H2BC9: variants seen among roughly 807,000 people sequenced by gnomAD.
H2BC9 encodes histone H2B type 1-H.
H2BC9 carries 11 observed loss-of-function variants against 5.8 expected under a neutral mutation model. That is an observed-to-expected ratio of 1.89 (90% CI 1.19 to 3.12). The LOEUF (loss-of-function observed/expected upper bound fraction) is 3.12. Among genes scored for constraint, H2BC9 ranks in the 30% most tolerant of loss-of-function variants. The pLI, the probability that H2BC9 is intolerant of heterozygous loss-of-function variation, is 0.00. For missense variants in H2BC9, 219 were observed against 167.8 expected (o/e 1.30, Z -1.68); for synonymous variants, 136 against 72.2 (o/e 1.88, Z -4.48).
rs1489552386 is a variant in H2BC9, at chr6:26,251,682, C to G, written c.32C>G (p.Pro11Arg). Reference sequence around the variant, plus strand: ...GATCCAGCTAAGTCCGCTCCCGCCCCGAAGAAGGGCTCCAAGAAGGCGGTG... The same window carrying G: ...GATCCAGCTAAGTCCGCTCCCGCCCGGAAGAAGGGCTCCAAGAAGGCGGTG... MPDPAKSAPAPKKGSKKAVTK... is the reference protein window; with the variant it reads MPDPAKSAPARKKGSKKAVTK... Residue 11 changes from proline to arginine, a missense_variant, in exon 1 of 1, where the codon CCG becomes CGG. By Grantham distance (103) the Pro-to-Arg change is moderately radical. Transcript: ENST00000619466. 2 of 1,614,108 alleles carry G rather than the reference C, an allele frequency of 1.2e-6. No homozygotes were observed. Among genetic ancestry groups the G allele is most frequent in the African/African-American group, 1.3e-5 (1 of 75,010 alleles).
chr6:26,251,860 C>T lies in H2BC9; in HGVS notation c.210C>T (p.Ile70=), dbSNP rs1477170099. The T allele has an allele frequency of 3.7e-6, 6 of 1,614,100 alleles. No homozygotes were observed. Among genetic ancestry groups the T allele is most frequent in the Non-Finnish European group, 5.1e-6 (6 of 1,180,036 alleles). The change falls in exon 1 of 1, where the codon ATC becomes ATT. Residue 70 remains isoleucine (I), a synonymous_variant. Transcript: ENST00000619466. ...TCATGAATTCCTTTGTCAACGATAT[C>T]TTCGAGCGCATCGCCGGCGAGGCTT... ...MGIMNSFVND[I]FERIAGEASR... is the part of the protein sequence containing the mutation.
rs747072853 is a variant in H2BC9, at chr6:26,251,656, T to G, written c.6T>G (p.Pro2=). Residue 2 remains proline, a synonymous_variant, in exon 1 of 1, where the codon CCT becomes CCG. Transcript: ENST00000619466. Reference sequence around the variant, plus strand: ...TACTCCTTTATCTTGTTGCAATGCCTGATCCAGCTAAGTCCGCTCCCGCCC... The same window carrying G: ...TACTCCTTTATCTTGTTGCAATGCCGGATCCAGCTAAGTCCGCTCCCGCCC... M[P]DPAKSAPAPK... The G allele has an allele frequency of 3.1e-6, 5 of 1,614,072 alleles. No individual in the cohort carries two copies. In the Admixed American group the frequency reaches 8.3e-5, roughly 27 times the overall value.
In H2BC9 at chr6:26,252,031, A is replaced by C; in HGVS notation, c.381A>C (p.Ter127TyrextTer?). The part of the protein sequence containing the change: ...KAVTKYTSSK[*>Y] ...TCACCAAGTACACCAGCTCCAAATA[A>C]ATGGACGCATGTTCAAACCCAAAGG... Residue 127 changes from the stop codon to tyrosine, a stop_lost, in exon 1 of 1, where the codon TAA becomes TAC. Coordinates refer to ENST00000619466, the MANE Select transcript of H2BC9 (RefSeq NM_003524.3). 7 of 1,614,118 alleles carry C rather than the reference A, an allele frequency of 4.3e-6. No individual in the cohort carries two copies. Among genetic ancestry groups the C allele is most frequent in the Non-Finnish European group, 5.9e-6 (7 of 1,180,008 alleles).
rs779240399 is a variant in H2BC9 at position 26,251,886 on chromosome 6, C to T, written c.236C>T (p.Ser79Phe). Reference sequence around the variant, plus strand: ...TTCGAGCGCATCGCCGGCGAGGCTTCCCGCCTGGCTCATTACAACAAGCGT... The same window carrying T: ...TTCGAGCGCATCGCCGGCGAGGCTTTCCGCCTGGCTCATTACAACAAGCGT... ...DIFERIAGEA[S>F]RLAHYNKRST... Residue 79 changes from serine (S) to phenylalanine (F), a missense_variant, in exon 1 of 1, where the codon TCC (serine) becomes TTC (phenylalanine). Physicochemically the swap from Ser to Phe is radical, Grantham distance 155 (BLOSUM62 -2). Coordinates refer to ENST00000619466, the MANE Select transcript of H2BC9 (RefSeq NM_003524.3). 6.2e-7 allele frequency: 1 copy of T among 1,614,224 alleles called. No homozygotes were observed. The highest frequency in any genetic ancestry group is 1.7e-5 in the Admixed American group (1 of 60,030).
Position 26,251,843 on chromosome 6 carries a change from T to A in H2BC9, c.193T>A (p.Ser65Thr), listed in dbSNP as rs1760085558. ...ISSKAMGIMN[S>T]FVNDIFERIA... is the part of the protein sequence containing the mutation. ...CTCCAAAGCCATGGGGATCATGAAT[T>A]CCTTTGTCAACGATATCTTCGAGCG... The change falls in exon 1 of 1, where the codon TCC (serine) becomes ACC (threonine). Residue 65 changes from serine (S) to threonine (T), a missense_variant. Coordinates refer to ENST00000619466, the MANE Select transcript of H2BC9 (RefSeq NM_003524.3). 6.2e-7 allele frequency: 1 copy of A among 1,614,068 alleles called. No individual in the cohort carries two copies. The highest frequency in any genetic ancestry group is 1.3e-5 in the African/African-American group (1 of 74,926).
rs774744279 is a variant in H2BC9 at position 26,251,915 on chromosome 6, ACCATCACCT to A, written c.269_277del (p.Ile90_Ser92del). ...CCTGGCTCATTACAACAAGCGTTCG[ACCATCACCT>A]CCAGGGAGATCCAGACAGCCGTGCG... On this transcript the variant is annotated inframe_deletion, in exon 1 of 1. Transcript: ENST00000619466. 2 of 1,614,158 alleles carry A rather than the reference ACCATCACCT, an allele frequency of 1.2e-6. No homozygotes were observed. The highest frequency in any genetic ancestry group is 1.7e-6 in the Non-Finnish European group (2 of 1,180,022).
Position 26,251,834 on chromosome 6 carries a change from A to T in H2BC9, c.184A>T (p.Ile62Phe). 6.2e-7 allele frequency: 1 copy of T among 1,614,196 alleles called. No homozygotes were observed. The highest frequency in any genetic ancestry group is 8.5e-7 in the Non-Finnish European group (1 of 1,180,030). The change falls in exon 1 of 1, where the codon ATC becomes TTC. Residue 62 changes from isoleucine (I) to phenylalanine (F), a missense_variant. Transcript: ENST00000619466. ...DTGISSKAMG[I>F]MNSFVNDIFE... ...CGGCATCTCCTCCAAAGCCATGGGG[A>T]TCATGAATTCCTTTGTCAACGATAT...
In H2BC9 at chr6:26,252,018, C is replaced by T. The variant is rs1479496733; in HGVS notation, c.368C>T (p.Thr123Ile). 1 of 1,614,206 alleles carries T rather than the reference C, an allele frequency of 6.2e-7. No homozygotes were observed. Among genetic ancestry groups the T allele is most frequent in the South Asian group, 1.1e-5 (1 of 91,086 alleles). Residue 123 changes from threonine to isoleucine, a missense_variant, in exon 1 of 1, where the codon ACC becomes ATC. By Grantham distance (89) the Thr-to-Ile change is moderately conservative. Coordinates refer to ENST00000619466, the MANE Select transcript of H2BC9 (RefSeq NM_003524.3). ...SEGTKAVTKYTSSK is the reference protein window; with the variant it reads ...SEGTKAVTKYISSK ...GGCACTAAGGCCGTCACCAAGTACA[C>T]CAGCTCCAAATAAATGGACGCATGT...
In H2BC9 at chr6:26,251,844, C is replaced by T; in HGVS notation, c.194C>T (p.Ser65Phe). 2 of 1,614,238 alleles carry T rather than the reference C, an allele frequency of 1.2e-6. No individual in the cohort carries two copies. The highest frequency in any genetic ancestry group is 1.7e-6 in the Non-Finnish European group (2 of 1,180,048). ...ISSKAMGIMN[S>F]FVNDIFERIA... ...TCCAAAGCCATGGGGATCATGAATTCCTTTGTCAACGATATCTTCGAGCGC... is the reference window on the plus strand; with the variant it reads ...TCCAAAGCCATGGGGATCATGAATTTCTTTGTCAACGATATCTTCGAGCGC... The change falls in exon 1 of 1, where the codon TCC becomes TTC. Residue 65 changes from serine to phenylalanine, a missense_variant. Coordinates refer to ENST00000619466, the MANE Select transcript of H2BC9 (RefSeq NM_003524.3).
rs146273799 is a variant in H2BC9 at position 26,251,675 on chromosome 6, C to G, written c.25C>G (p.Pro9Ala). 4.3e-6 allele frequency: 7 copies of G among 1,614,016 alleles called. No individual in the cohort carries two copies. Among genetic ancestry groups the G allele is most frequent in the South Asian group, 1.1e-5 (1 of 91,088 alleles). ...AATGCCTGATCCAGCTAAGTCCGCTCCCGCCCCGAAGAAGGGCTCCAAGAA... is the reference window on the plus strand; with the variant it reads ...AATGCCTGATCCAGCTAAGTCCGCTGCCGCCCCGAAGAAGGGCTCCAAGAA... MPDPAKSAPAPKKGSKKAV... is the reference protein window; with the variant it reads MPDPAKSAAAPKKGSKKAV... Residue 9 changes from proline to alanine, a missense_variant, in exon 1 of 1, where the codon CCC becomes GCC. Pro to Ala is a conservative substitution (Grantham distance 27). Transcript: ENST00000619466.
Position 26,251,947 on chromosome 6 carries a change from G to A in H2BC9, c.297G>A (p.Val99=), listed in dbSNP as rs1176397893. 3 of 1,614,244 alleles carry A rather than the reference G, an allele frequency of 1.9e-6. No homozygotes were observed. The highest frequency in any genetic ancestry group is 1.3e-5 in the African/African-American group (1 of 75,066). The part of the protein sequence containing the change: ...TITSREIQTA[V]RLLLPGELAK... The stretch of plus-strand genomic sequence containing the variant: ...CCTCCAGGGAGATCCAGACAGCCGT[G>A]CGCCTGCTGCTGCCTGGGGAACTGG... The change falls in exon 1 of 1, where the codon GTG becomes GTA. Residue 99 remains valine (V), a synonymous_variant. Coordinates refer to ENST00000619466, the MANE Select transcript of H2BC9 (RefSeq NM_003524.3).
chr6:26,251,989 C>T lies in H2BC9; in HGVS notation c.339C>T (p.Ser113=). The part of the protein sequence containing the change: ...LPGELAKHAV[S]EGTKAVTKYT... ...GGGAACTGGCCAAGCACGCCGTGTC[C>T]GAGGGCACTAAGGCCGTCACCAAGT... The change falls in exon 1 of 1, where the codon TCC becomes TCT. Residue 113 remains serine, a synonymous_variant. Transcript: ENST00000619466. The T allele has an allele frequency of 1.9e-6, 3 of 1,614,178 alleles. No individual in the cohort carries two copies. Among genetic ancestry groups the T allele is most frequent in the East Asian group, 2.2e-5 (1 of 44,882 alleles).
At position 26,251,813 on chromosome 6, in the gene H2BC9, A is replaced by AT; in HGVS notation, c.164dup (p.Ser56LeufsTer62). On this transcript the variant is annotated frameshift_variant, in exon 1 of 1. Coordinates refer to ENST00000619466, the MANE Select transcript of H2BC9 (RefSeq NM_003524.3). LOFTEE classifies it high-confidence loss of function. The stretch of plus-strand genomic sequence containing the variant: ...GAAGCAAGTCCACCCCGACACCGGC[A>AT]TCTCCTCCAAAGCCATGGGGATCAT... 6.2e-7 allele frequency: 1 copy of AT among 1,614,248 alleles called. No individual in the cohort carries two copies. The highest frequency in any genetic ancestry group is 8.5e-7 in the Non-Finnish European group (1 of 1,180,036).
rs1561759702 is a variant in H2BC9, at chr6:26,251,712, A to C, written c.62A>C (p.Lys21Thr). 8 of 1,614,084 alleles carry C rather than the reference A, an allele frequency of 5.0e-6. No homozygotes were observed. The highest frequency in any genetic ancestry group is 5.9e-6 in the Non-Finnish European group (7 of 1,180,036). ...PKKGSKKAVT[K>T]AQKKDGKKRK... ...AAGGGCTCCAAGAAGGCGGTGACCA[A>C]GGCGCAGAAGAAGGATGGCAAGAAG... The change falls in exon 1 of 1, where the codon AAG (lysine) becomes ACG (threonine). Residue 21 changes from lysine (K) to threonine (T), a missense_variant. Transcript: ENST00000619466.
rs967210565 is a variant in H2BC9 at position 26,251,732 on chromosome 6, A to T, written c.82A>T (p.Lys28Ter). The T allele has an allele frequency of 1.2e-6, 2 of 1,614,228 alleles. No individual in the cohort carries two copies. Among genetic ancestry groups the T allele is most frequent in the Non-Finnish European group, 8.5e-7 (1 of 1,180,046 alleles). ...GACCAAGGCGCAGAAGAAGGATGGC[A>T]AGAAGCGTAAACGCAGCCGCAAGGA... ...AVTKAQKKDG[K>*]KRKRSRKESY... The change falls in exon 1 of 1, where the codon AAG becomes TAG. Residue 28 changes from lysine to a stop codon, truncating the protein, a stop_gained. Coordinates refer to ENST00000619466, the MANE Select transcript of H2BC9 (RefSeq NM_003524.3). LOFTEE classifies it high-confidence loss of function.
chr6:26,251,776 T>G lies in H2BC9; in HGVS notation c.126T>G (p.Val42=), dbSNP rs921222544. 4.3e-6 allele frequency: 7 copies of G among 1,614,190 alleles called. No individual in the cohort carries two copies. The highest frequency in any genetic ancestry group is 5.9e-6 in the Non-Finnish European group (7 of 1,180,026). Residue 42 remains valine, a synonymous_variant, in exon 1 of 1, where the codon GTT becomes GTG. Coordinates refer to ENST00000619466, the MANE Select transcript of H2BC9 (RefSeq NM_003524.3). ...RSRKESYSVY[V]YKVLKQVHPD... ...GCAAGGAGAGCTACTCCGTATACGTTTACAAGGTGCTGAAGCAAGTCCACC... is the reference window on the plus strand; with the variant it reads ...GCAAGGAGAGCTACTCCGTATACGTGTACAAGGTGCTGAAGCAAGTCCACC...
At position 26,251,969 on chromosome 6, in the gene H2BC9, C is replaced by G; in HGVS notation, c.319C>G (p.Leu107Val). 1 of 1,614,248 alleles carries G rather than the reference C, an allele frequency of 6.2e-7. No individual in the cohort carries two copies. Among genetic ancestry groups the G allele is most frequent in the South Asian group, 1.1e-5 (1 of 91,088 alleles). ...CGTGCGCCTGCTGCTGCCTGGGGAA[C>G]TGGCCAAGCACGCCGTGTCCGAGGG... is the stretch of plus-strand genomic sequence containing the variant. ...TAVRLLLPGE[L>V]AKHAVSEGTK... is the part of the protein sequence containing the mutation. The change falls in exon 1 of 1, where the codon CTG becomes GTG. Residue 107 changes from leucine to valine, a missense_variant. Transcript: ENST00000619466.
At position 26,251,873 on chromosome 6, in the gene H2BC9, G is replaced by A. The variant is rs1760087066; in HGVS notation, c.223G>A (p.Ala75Thr). The change falls in exon 1 of 1, where the codon GCC becomes ACC. Residue 75 changes from alanine to threonine, a missense_variant. Coordinates refer to ENST00000619466, the MANE Select transcript of H2BC9 (RefSeq NM_003524.3). The part of the protein sequence containing the change: ...SFVNDIFERI[A>T]GEASRLAHYN... The stretch of plus-strand genomic sequence containing the variant: ...TGTCAACGATATCTTCGAGCGCATC[G>A]CCGGCGAGGCTTCCCGCCTGGCTCA... 3.7e-6 allele frequency: 6 copies of A among 1,614,072 alleles called. No individual in the cohort carries two copies. The highest frequency in any genetic ancestry group is 2.7e-5 in the African/African-American group (2 of 74,924).
rs147749670 is a variant in H2BC9, at chr6:26,252,031, A to T, written c.381A>T (p.Ter127TyrextTer?). Reference protein sequence around the residue: ...KAVTKYTSSK* With the variant: ...KAVTKYTSSKY ...TCACCAAGTACACCAGCTCCAAATA[A>T]ATGGACGCATGTTCAAACCCAAAGG... The change falls in exon 1 of 1, where the codon TAA (stop) becomes TAT (tyrosine). Residue 127 changes from the stop codon to tyrosine (Y), a stop_lost. Coordinates refer to ENST00000619466, the MANE Select transcript of H2BC9 (RefSeq NM_003524.3). The T allele has an allele frequency of 6.8e-6, 11 of 1,613,998 alleles. No individual in the cohort carries two copies. The African/African-American group carries it at 1.5e-4, about 22-fold the overall frequency.
Sources: gnomAD v4.1 joint callset for allele counts on GRCh38, gnomAD v4.1.1 for gene constraint, MANE v1.5 for transcripts, NCBI Gene and HGNC (gene_info 2026-07-23, HGNC 2026-07-21) for gene names.